Variants in ACSM1 observed in about 807,000 individuals in gnomAD.
The protein encoded by ACSM1 is acyl-coenzyme A synthetase ACSM1, mitochondrial.
ACSM1 carries 79 observed loss-of-function variants against 75.8 expected under a neutral mutation model. That is an observed-to-expected ratio of 1.04 (90% confidence interval 0.87 to 1.26). ACSM1 has a LOEUF of 1.26. Ranked by LOEUF, ACSM1 falls within the 50% of genes most tolerant of loss-of-function variation. ACSM1 has a pLI of 0.00. For missense variants in ACSM1, 676 were observed against 720.1 expected, an observed-to-expected ratio of 0.94 and a Z score of 0.70; for synonymous variants, 279 against 265.8, an observed-to-expected ratio of 1.05 and a Z score of -0.48.
chr16:20,640,323 T>C (rs2017971714), intron 8 of ACSM1, 138 bp downstream of exon 8: 1 of 1,034,442 alleles, frequency 9.7e-7, no homozygotes, highest in East Asian at 2.6e-5. Context: ...TTTTCTCCTT[T>C]AAATATTGAA....
chr16:20,624,920 C>T (rs1420439595), intron 12 of ACSM1, among the ~76,000 whole-genome samples: 2 of 152,018 alleles, frequency 1.3e-5, no homozygotes, highest in African/African-American at 4.8e-5. Context: ...GGGGTTTCAC[C>T]ATGTTGGCCA....
At chr16:20,644,538 A>AAC (rs56275246) in intron 7 of ACSM1, among the ~76,000 whole-genome samples, 8,780 of 145,022 alleles carry the variant, frequency 0.061, 308 homozygotes, top group Non-Finnish European at 0.087. Context: ...GTGATTGAGG[A>AAC]ACACACACAC....
At chr16:20,639,572 C>G (rs2017927816) in intron 8 of ACSM1, among the ~76,000 whole-genome samples, 1 of 152,144 alleles carries the variant, frequency 6.6e-6, no homozygotes, top group Admixed American at 6.6e-5. Flanking sequence ...CCCTTAGACC[C>G]CTTTTTAAGG....
intron 4 of ACSM1, chr16:20,679,654 G>A (rs1245568388): frequency 1.3e-5 from 2 of 152,114 alleles, no homozygotes; most frequent in East Asian, 3.9e-4. Flanking sequence ...CCCACACTGT[G>A]TACATACTAC....
chr16:20,664,626 C>T (rs1485592484), intron 6 of ACSM1, among the ~76,000 whole-genome samples: 1 of 152,168 alleles, frequency 6.6e-6, no homozygotes, highest in Admixed American at 6.6e-5. Context: ...AAATTATGGA[C>T]TTAAACTCAA....
rs758552861 is a variant in ACSM1, at chr16:20,661,883, G to C, written c.913-10C>G. On this transcript the variant is annotated splice_polypyrimidine_tract_variant and intron_variant, in intron 6 of 13. Coordinates refer to ENST00000520010, the MANE Select transcript of ACSM1 (RefSeq NM_001318890.3). ...GGTATTTCAACAATGTCTGGAAAGG[G>C]AAGAGAGAAGAAATTTTATTTTTAC... 5.7e-6 allele frequency: 9 copies of C among 1,579,222 alleles called. No homozygotes were observed. Among genetic ancestry groups the C allele is most frequent in the Non-Finnish European group, 7.8e-6 (9 of 1,150,614 alleles).
In ACSM1 at chr16:20,683,646, C is replaced by CTT. The variant is rs36182498; in HGVS notation, c.404-1185_404-1184dup. 2.3e-3 allele frequency among the ~76,000 whole-genome samples: 320 copies of CTT among 136,840 alleles called. 3 individuals carry two copies. The highest frequency in any genetic ancestry group is 6.0e-3 in the African/African-American group (218 of 36,382). 89.8% of individuals were successfully genotyped at this position (136,840 alleles called of 152,430 possible). ...TTAGCCCAGAGGGCTCAGCTCAAGT[C>CTT]TTTTTTTTTTTTTTTGAGAGTCTTG... On this transcript the variant is annotated intron_variant, in intron 3 of 13. Transcript: ENST00000520010.
intron 7 of ACSM1, among the ~76,000 whole-genome samples, chr16:20,646,700 C>T (rs536998464): frequency 2.6e-5 from 4 of 152,132 alleles, no homozygotes; most frequent in Non-Finnish European, 5.9e-5. Context: ...AAAGCAGGGG[C>T]CATTATACAC....
intron 5 of ACSM1, among the ~76,000 whole-genome samples, chr16:20,670,617 C>T (rs905166856): frequency 6.6e-6 from 1 of 152,238 alleles, no homozygotes; most frequent in Non-Finnish European, 1.5e-5. Context: ...AATCCCTGCA[C>T]GGTCTGAGTC....
intron 10 of ACSM1, among the ~76,000 whole-genome samples, chr16:20,635,566 T>C (rs170924): frequency 0.18 from 26,926 of 149,794 alleles, 3,386 homozygotes; most frequent in African/African-American, 0.36. Flanking sequence ...TGTTACCCCA[T>C]GTTTAATTTT....
intron 7 of ACSM1, among the ~76,000 whole-genome samples, chr16:20,649,680 A>G (rs564922640): frequency 3.3e-5 from 5 of 152,292 alleles, no homozygotes; most frequent in Non-Finnish European, 5.9e-5. Flanking sequence ...CCAATTGTCA[A>G]TGAGAAAATG....
intron 7 of ACSM1, among the ~76,000 whole-genome samples, chr16:20,654,087 C>G (rs1177703050): frequency 6.6e-6 from 1 of 152,152 alleles, no homozygotes; most frequent in Non-Finnish European, 1.5e-5. Flanking sequence ...ATACAGCCCT[C>G]AGAAATAATA....
At chr16:20,626,626 G>A (rs964666346) in intron 11 of ACSM1, among the ~76,000 whole-genome samples, 3 of 151,850 alleles carry the variant, frequency 2.0e-5, no homozygotes, top group East Asian at 1.9e-4. Flanking sequence ...AGCTTTGAGA[G>A]GTGGGTTATA....
chr16:20,655,254 G>T (rs1360993710), intron 7 of ACSM1, among the ~76,000 whole-genome samples: 2 of 117,194 alleles, frequency 1.7e-5, no homozygotes, highest in East Asian at 3.1e-4. Flanking sequence ...GTTGTGGGGT[G>T]GGGGGAGGGG....
chr16:20,623,419 T>C lies in ACSM1; in HGVS notation c.*67A>G, dbSNP rs561932835. On this transcript the variant is annotated 3_prime_UTR_variant, in exon 14 of 14. Transcript: ENST00000520010. ...CAATGCCCCACCCTCGTCCTCACCA[T>C]AGTGGGGAGACTAAAGTGGCCAGGG... 4 of 1,404,298 alleles carry C rather than the reference T, an allele frequency of 2.8e-6. No individual in the cohort carries two copies. The highest frequency in any genetic ancestry group is 2.8e-5 in the African/African-American group (2 of 70,790). The allele number at this position is 1,404,298 out of a possible 1,614,324, so 87.0% of individuals were successfully genotyped here. A position where few individuals can be genotyped will look rare whatever the true frequency, so the allele number is the denominator to read the frequency against.
Position 20,646,391 on chromosome 16 carries a change from G to A in ACSM1, c.993-5807C>T, listed in dbSNP as rs143203610. Among the ~76,000 whole-genome samples, 262 of 152,326 alleles carry A rather than the reference G, an allele frequency of 1.7e-3. 1 individual carries two copies. Among genetic ancestry groups the A allele is most frequent in the Middle Eastern group, 0.01 (3 of 294 alleles). On this transcript the variant is annotated intron_variant, in intron 7 of 13. Transcript: ENST00000520010. The stretch of plus-strand genomic sequence containing the variant: ...CACTAACCAGATGATCCAGCAGCAG[G>A]ACTGAGGGTGCCCAGGGCAAATGCC...
chr16:20,689,513 T>G (rs1567313955), intron 2 of ACSM1, among the ~76,000 whole-genome samples: 1 of 152,068 alleles, frequency 6.6e-6, no homozygotes, highest in Non-Finnish European at 1.5e-5. Flanking sequence ...AGACATAGAT[T>G]GGCAGAATGG....
chr16:20,658,611 G>A lies in ACSM1; in HGVS notation c.992+3183C>T, dbSNP rs74011812. ...CTGCCAAGGAAAAAATGACGGTGCA[G>A]AATTATGACTTCTCCTGTGACAAAA... On this transcript the variant is annotated intron_variant, in intron 7 of 13. Transcript: ENST00000520010. 8.1e-3 allele frequency among the ~76,000 whole-genome samples: 1,226 copies of A among 152,192 alleles called. 7 individuals carry two copies. The highest frequency in any genetic ancestry group is 0.018 in the African/African-American group (735 of 41,532).
chr16:20,693,736 T>G (rs2079675357), intron 1 of ACSM1, among the ~76,000 whole-genome samples: 1 of 152,192 alleles, frequency 6.6e-6, no homozygotes, highest in East Asian at 1.9e-4. Context: ...CTCCACTTAT[T>G]GTAGCTGTCC....
Sources: gnomAD v4.1 joint callset for allele counts (sites outside exome capture counted in the v4.1 genomes callset) on GRCh38, gnomAD v4.1.1 for gene constraint, MANE v1.5 for transcripts, NCBI Gene and HGNC (gene_info 2026-07-23, HGNC 2026-07-21) for gene names.